BBX: variants seen among roughly 807,000 people sequenced by gnomAD.
The protein encoded by BBX is BBX high mobility group box domain containing.
In BBX, 30 loss-of-function variants were observed where a neutral mutation model predicts 100.2. That is an observed-to-expected ratio of 0.30 (90% confidence interval 0.22 to 0.41). BBX has a LOEUF of 0.41. Among genes scored for constraint, BBX ranks in the 10% least tolerant of loss-of-function variants. BBX has a pLI of 1.00. For synonymous variants in BBX, 376 were observed against 388.1 expected (o/e 0.97, Z 0.37); for missense variants, 1,023 against 1,129.8 (o/e 0.91, Z 1.35).
intron 14 of BBX, 28 bp from the exon 15 acceptor site, chr3:107,791,212 T>C (rs1342941221): frequency 2.5e-6 from 4 of 1,601,746 alleles, no homozygotes; most frequent in Non-Finnish European, 3.4e-6. Flanking sequence ...AGTTTCACTT[T>C]TCTTTCCTTT....
intron 8 of BBX, among the ~76,000 whole-genome samples, chr3:107,747,751 G>A (rs1180172896): frequency 6.6e-6 from 1 of 151,592 alleles, no homozygotes; most frequent in Non-Finnish European, 1.5e-5. Context: ...TGGCAAATGA[G>A]CCATACTCAG....
At chr3:107,549,908 G>A (rs1005422593) in intron 2 of BBX, among the ~76,000 whole-genome samples, 32 of 149,246 alleles carry the variant, frequency 2.1e-4, no homozygotes, top group African/African-American at 7.7e-4. Flanking sequence ...GGAAGGAAAG[G>A]TGCATTTAAA....
At chr3:107,616,065 A>AT (rs1294912799) in intron 2 of BBX, among the ~76,000 whole-genome samples, 1 of 49,704 alleles carries the variant, frequency 2.0e-5, no homozygotes, top group African/African-American at 9.8e-5. Context: ...GTTGTTTAAA[A>AT]TTTTTTTTAA....
intron 3 of BBX, among the ~76,000 whole-genome samples, chr3:107,698,759 C>T (rs1018584792): frequency 6.6e-6 from 1 of 151,182 alleles, no homozygotes; most frequent in Non-Finnish European, 1.5e-5. Context: ...AATTATTTCT[C>T]TTCTGAGGTC....
rs536096589 is a variant in BBX at position 107,583,595 on chromosome 3, TCTC to T, written c.-84+57201_-84+57203del. Among the ~76,000 whole-genome samples, 283 of 151,924 alleles carry T rather than the reference TCTC, an allele frequency of 1.9e-3. 1 individual carries two copies. The highest frequency in any genetic ancestry group is 5.2e-3 in the Admixed American group (79 of 15,254). On this transcript the variant is annotated intron_variant, in intron 2 of 17. Transcript: ENST00000325805. ...ATCACCTTGAACATTTATCTTTTCT[TCTC>T]CTCTAACCATTTTGAAGTATACAAT...
rs147007183 is a variant in BBX, at chr3:107,759,183, G to A, written c.906+3505G>A. Among the ~76,000 whole-genome samples the A allele has an allele frequency of 7.1e-3, 1,087 of 152,324 alleles. 10 individuals are homozygous for A. Among genetic ancestry groups the A allele is most frequent in the African/African-American group, 0.024 (996 of 41,572 alleles). On this transcript the variant is annotated intron_variant, in intron 10 of 17. Coordinates refer to ENST00000325805, the MANE Select transcript of BBX (RefSeq NM_001142568.3). ...CTTTCCCGTTTTCCAGGACCCTGGAGCCAGGAGATTTCCTGGGGAAGGTCC... is the reference window on the plus strand; with the variant it reads ...CTTTCCCGTTTTCCAGGACCCTGGAACCAGGAGATTTCCTGGGGAAGGTCC...
chr3:107,691,560 C>A (rs1019476171), intron 3 of BBX, among the ~76,000 whole-genome samples: 1 of 152,112 alleles, frequency 6.6e-6, no homozygotes, highest in Non-Finnish European at 1.5e-5. Flanking sequence ...TTTCACCCAG[C>A]ATGACGCAAG....
At chr3:107,787,260 G>T (rs2068526963) in intron 13 of BBX, among the ~76,000 whole-genome samples, 1 of 152,190 alleles carries the variant, frequency 6.6e-6, no homozygotes, top group Non-Finnish European at 1.5e-5. Flanking sequence ...CCCCCAAAGT[G>T]CTGAGATTAC....
intron 2 of BBX, among the ~76,000 whole-genome samples, chr3:107,609,765 C>T (rs990682125): frequency 1.8e-4 from 28 of 151,798 alleles, no homozygotes; most frequent in Non-Finnish European, 4.1e-4. Context: ...TGATTATTCT[C>T]TTTTTTTCTT....
Position 107,710,579 on chromosome 3 carries a change from C to T in BBX, c.119C>T (p.Ser40Leu). The T allele has an allele frequency of 1.2e-6, 2 of 1,613,528 alleles. No individual in the cohort carries two copies. Residue 40 changes from serine (S) to leucine (L), a missense_variant, in exon 4 of 18, where the codon TCA (serine) becomes TTA (leucine). Coordinates refer to ENST00000325805, the MANE Select transcript of BBX (RefSeq NM_001142568.3). ...CTAGCAAAGAAACTTCTTGATTTTT[C>T]AGAAGAGGAAGAAGAGGAAGACGAA... ...PLLAKKLLDF[S>L]EEEEEEDEEE...
chr3:107,674,423 C>T (rs1218094212), intron 3 of BBX, among the ~76,000 whole-genome samples: 1 of 152,082 alleles, frequency 6.6e-6, no homozygotes, highest in Non-Finnish European at 1.5e-5. Context: ...TGATTTTAAA[C>T]TTTTATATCA....
rs552807013 is a variant in BBX, at chr3:107,810,534, C to T, written c.*5077C>T. The T allele has an allele frequency of 1.3e-5, 2 of 152,326 alleles. No individual in the cohort carries two copies. Among genetic ancestry groups the T allele is most frequent in the Admixed American group, 1.3e-4 (2 of 15,306 alleles). The allele number at this position is 152,326 out of a possible 1,614,324, so 9.4% of individuals were successfully genotyped here. ...TTACCTCACAAGCTCTAACCTAAAT[C>T]ACAGAGACATGCATGTTTCATGCAT... is the stretch of plus-strand genomic sequence containing the variant. On this transcript the variant is annotated 3_prime_UTR_variant, in exon 18 of 18. Transcript: ENST00000325805.
chr3:107,663,613 A>G (rs543938986), intron 3 of BBX, among the ~76,000 whole-genome samples: 2 of 152,200 alleles, frequency 1.3e-5, no homozygotes, highest in South Asian at 2.1e-4. Context: ...TAAATTTTAT[A>G]TAAATAATAC....
chr3:107,716,335 A>AG (rs959228055), intron 4 of BBX: 5 of 337,644 alleles, frequency 1.5e-5, no homozygotes, highest in Non-Finnish European at 2.7e-5. Flanking sequence ...TTAGTGAGAG[A>AG]GAAAAAAATG....
intron 13 of BBX, among the ~76,000 whole-genome samples, chr3:107,783,186 A>G (rs986384676): frequency 1.3e-5 from 2 of 152,108 alleles, no homozygotes; most frequent in Non-Finnish European, 2.9e-5. Context: ...TGACTCTAAA[A>G]TGGCTGCTTC....
intron 3 of BBX, among the ~76,000 whole-genome samples, chr3:107,651,685 G>A (rs535123733): frequency 2.0e-5 from 3 of 152,084 alleles, no homozygotes; most frequent in Non-Finnish European, 4.4e-5. Flanking sequence ...AAAAAAGATT[G>A]TGTATTTGAA....
At chr3:107,680,091 G>T (rs1263971497) in intron 3 of BBX, among the ~76,000 whole-genome samples, 3 of 152,138 alleles carry the variant, frequency 2.0e-5, no homozygotes, top group African/African-American at 7.2e-5. Context: ...GAGCCCATAA[G>T]TGTTACTGTG....
intron 2 of BBX, among the ~76,000 whole-genome samples, chr3:107,619,469 C>T (rs544232568): frequency 1.3e-4 from 20 of 152,136 alleles, no homozygotes; most frequent in African/African-American, 4.6e-4. Flanking sequence ...TTGTTTCAGT[C>T]ATCAAACATA....
chr3:107,584,070 TTA>T (rs371034416), intron 2 of BBX, among the ~76,000 whole-genome samples: 1 of 22,454 alleles, frequency 4.5e-5, no homozygotes, highest in East Asian at 4.3e-4. Context: ...ATATCATATA[TTA>T]TATATATTAT....
Sources: gnomAD v4.1 joint callset for allele counts (sites outside exome capture counted in the v4.1 genomes callset) on GRCh38, gnomAD v4.1.1 for gene constraint, MANE v1.5 for transcripts, NCBI Gene and HGNC (gene_info 2026-07-23, HGNC 2026-07-21) for gene names.